The following AGBL4 variants were observed in gnomAD, a reference collection of about 807,000 sequenced individuals.
AGBL4 encodes the protein cytosolic carboxypeptidase 6.
In AGBL4, 58 loss-of-function variants were observed where a neutral mutation model predicts 66.4. That is an observed-to-expected ratio of 0.87 (90% CI 0.71 to 1.09). The LOEUF (loss-of-function observed/expected upper bound fraction) is 1.09, where lower values mean the gene tolerates loss of function less well. Among genes scored for constraint, AGBL4 ranks in the 50% least tolerant of loss-of-function variants. AGBL4 has a pLI of 0.00. For missense variants in AGBL4, 579 were observed against 631.0 expected, an observed-to-expected ratio of 0.92 and a Z score of 0.88; for synonymous variants, 234 against 222.9, an observed-to-expected ratio of 1.05 and a Z score of -0.44.
intron 6 of AGBL4, among the ~76,000 whole-genome samples, chr1:48,855,111 C>T (rs1019659373): frequency 6.6e-6 from 1 of 152,120 alleles, no homozygotes; most frequent in Non-Finnish European, 1.5e-5. Flanking sequence ...ATTCAAGTTC[C>T]TCTAGGCCTG....
At chr1:49,821,872 G>A (rs1645378431) in intron 2 of AGBL4, among the ~76,000 whole-genome samples, 3 of 152,142 alleles carry the variant, frequency 2.0e-5, no homozygotes, top group Admixed American at 2.0e-4. Flanking sequence ...ATACATAAAT[G>A]TGGGTCAACA....
At chr1:49,208,792 G>A (rs1243254823) in intron 4 of AGBL4, among the ~76,000 whole-genome samples, 6 of 152,062 alleles carry the variant, frequency 3.9e-5, no homozygotes, top group Non-Finnish European at 7.4e-5. Flanking sequence ...GAACAGGGCC[G>A]TGCCTGACTT....
At chr1:49,839,940 C>G (rs1169560382) in intron 2 of AGBL4, among the ~76,000 whole-genome samples, 2 of 152,028 alleles carry the variant, frequency 1.3e-5, no homozygotes, top group Non-Finnish European at 2.9e-5. Context: ...ACAAACAGGG[C>G]AGCAATACAT....
At chr1:48,748,022 T>G (rs1314692372) in intron 6 of AGBL4, among the ~76,000 whole-genome samples, 1 of 152,200 alleles carries the variant, frequency 6.6e-6, no homozygotes, top group Non-Finnish European at 1.5e-5. Flanking sequence ...TCTTCATAAA[T>G]GCATAGCAAA....
At chr1:48,976,197 G>A (rs773654798) in intron 5 of AGBL4, among the ~76,000 whole-genome samples, 1 of 152,052 alleles carries the variant, frequency 6.6e-6, no homozygotes, top group Non-Finnish European at 1.5e-5. Context: ...CTGCAGAGGG[G>A]GTTCCCAAAT....
At chr1:48,690,124 G>A (rs551598268) in intron 6 of AGBL4, among the ~76,000 whole-genome samples, 5 of 152,234 alleles carry the variant, frequency 3.3e-5, no homozygotes, top group African/African-American at 1.2e-4. Flanking sequence ...CCCAGGCCTG[G>A]TTCTCAGAGT....
In AGBL4 at chr1:49,177,120, G is replaced by A. The variant is rs141152755; in HGVS notation, c.377+68650C>T. 1.1e-3 allele frequency among the ~76,000 whole-genome samples: 163 copies of A among 152,156 alleles called. 6 individuals carry two copies. The East Asian group carries it at 0.026, about 24-fold the overall frequency. On this transcript the variant is annotated intron_variant, in intron 4 of 13. Transcript: ENST00000371839. ...AGACACATGGTACAGCAGGAAAAGT[G>A]CTGGAATAGTTAAACCCCTGAGTTC...
At chr1:49,544,718 T>C (rs1288093172) in intron 3 of AGBL4, among the ~76,000 whole-genome samples, 1 of 152,238 alleles carries the variant, frequency 6.6e-6, no homozygotes, top group South Asian at 2.1e-4. Context: ...AAAACTGAGG[T>C]TCAGATTAGT....
chr1:49,645,922 C>A (rs72686725), intron 3 of AGBL4, among the ~76,000 whole-genome samples: 3,361 of 150,654 alleles, frequency 0.022, 46 homozygotes, highest in Non-Finnish European at 0.035. Context: ...GAAAAAAAAA[C>A]CCATATGATT....
At chr1:48,776,021 A>C (rs1000476389) in intron 6 of AGBL4, among the ~76,000 whole-genome samples, 5 of 152,154 alleles carry the variant, frequency 3.3e-5, no homozygotes, top group Non-Finnish European at 7.3e-5. Flanking sequence ...CAGTGCACTG[A>C]GGTTCATGGC....
intron 11 of AGBL4, among the ~76,000 whole-genome samples, chr1:48,565,399 C>T (rs1422539552): frequency 6.6e-6 from 1 of 152,212 alleles, no homozygotes; most frequent in Non-Finnish European, 1.5e-5. Flanking sequence ...ACCACCTTCT[C>T]TTCCAGCTGA....
At chr1:49,484,016 C>A (rs1215456135) in intron 3 of AGBL4, among the ~76,000 whole-genome samples, 4 of 151,894 alleles carry the variant, frequency 2.6e-5, no homozygotes, top group Non-Finnish European at 5.9e-5. Flanking sequence ...CATTATTGAT[C>A]ATCAGAGAAA....
intron 3 of AGBL4, among the ~76,000 whole-genome samples, chr1:49,394,222 C>T (rs184143754): frequency 3.3e-5 from 5 of 152,036 alleles, no homozygotes; most frequent in Admixed American, 2.6e-4. Flanking sequence ...AAAGTATCAA[C>T]CCTTCCCCAT....
chr1:49,825,776 C>A (rs1645493486), intron 2 of AGBL4, among the ~76,000 whole-genome samples: 1 of 152,036 alleles, frequency 6.6e-6, no homozygotes, highest in Non-Finnish European at 1.5e-5. Context: ...GATCTCTAAC[C>A]TGCTGGCCCA....
chr1:49,837,013 C>A (rs991130540), intron 2 of AGBL4, among the ~76,000 whole-genome samples: 1 of 152,178 alleles, frequency 6.6e-6, no homozygotes, highest in African/African-American at 2.4e-5. Context: ...AGGTGTCTCC[C>A]CATCAGGAGT....
rs1211599686 is a variant in AGBL4 at position 48,898,155 on chromosome 1, GTTTT to G, written c.595-30929_595-30926del. 2.6e-5 allele frequency among the ~76,000 whole-genome samples: 4 copies of G among 152,060 alleles called. No individual in the cohort carries two copies. The East Asian group carries it at 7.7e-4, about 29-fold the overall frequency. On this transcript the variant is annotated intron_variant, in intron 5 of 13. Coordinates refer to ENST00000371839, the MANE Select transcript of AGBL4 (RefSeq NM_032785.4). ...TTGGCTTTTGTTTTTTTGTTTGTTT[GTTTT>G]GTTTTTGGCTTAAATTGTTTAGTCT... is the stretch of plus-strand genomic sequence containing the variant.
intron 5 of AGBL4, among the ~76,000 whole-genome samples, chr1:49,031,696 T>C (rs970919360): frequency 6.6e-6 from 1 of 152,144 alleles, no homozygotes; most frequent in Non-Finnish European, 1.5e-5. Flanking sequence ...GGAAGTTCTC[T>C]GGCAGTGGTG....
chr1:49,726,660 A>G lies in AGBL4; in HGVS notation c.158-29223T>C, dbSNP rs553495009. ...CACATAAGCTTAAGCAAAAACTGGC[A>G]GCTCTCAGAAATAAAAAATAAATAA... On this transcript the variant is annotated intron_variant, in intron 2 of 13. Transcript: ENST00000371839. Among the ~76,000 whole-genome samples, 5 of 152,312 alleles carry G rather than the reference A, an allele frequency of 3.3e-5. No homozygotes were observed. In the South Asian group the frequency reaches 1.0e-3, roughly 32 times the overall value.
chr1:48,738,226 G>T (rs1335334027), intron 6 of AGBL4, among the ~76,000 whole-genome samples: 1 of 152,180 alleles, frequency 6.6e-6, no homozygotes, highest in Admixed American at 6.5e-5. Context: ...GCCCACCCAT[G>T]AATGTAAGTC....
Sources: allele counts gnomAD v4.1 joint callset (sites outside exome capture counted in the v4.1 genomes callset), GRCh38; gene constraint gnomAD v4.1.1; transcripts MANE v1.5; gene names NCBI Gene and HGNC (gene_info 2026-07-23, HGNC 2026-07-21).